The following ONECUT2 variants were observed in gnomAD, a reference collection of about 807,000 sequenced individuals.
ONECUT2 encodes the protein one cut homeobox 2.
Under a neutral mutation model 27.9 loss-of-function variants are expected in ONECUT2, and 10 were observed. The observed-to-expected ratio is 0.36, with a 90% CI of 0.22 to 0.61. The LOEUF (loss-of-function observed/expected upper bound fraction) is 0.61, where lower values mean the gene tolerates loss of function less well. Ranked by LOEUF, ONECUT2 falls within the 20% of genes least tolerant of loss-of-function variation. The pLI is 0.73. For missense variants in ONECUT2, 686 were observed against 721.0 expected, an observed-to-expected ratio of 0.95 and a Z score of 0.56; for synonymous variants, 334 against 315.1, an observed-to-expected ratio of 1.06 and a Z score of -0.64.
At chr18:57,455,436 G>A (rs927205957) in intron 1 of ONECUT2, among the ~76,000 whole-genome samples, 3 of 152,098 alleles carry the variant, frequency 2.0e-5, no homozygotes, top group African/African-American at 4.8e-5. Context: ...AGCATTAATT[G>A]TCCTAGTGGT....
chr18:57,464,118 T>C (rs575141491), intron 1 of ONECUT2, among the ~76,000 whole-genome samples: 2 of 152,322 alleles, frequency 1.3e-5, no homozygotes, highest in East Asian at 3.9e-4. Flanking sequence ...TGTTATTTAC[T>C]ATGTAACTTT....
intron 1 of ONECUT2, 148 bp from the exon 2 acceptor site, chr18:57,476,289 C>G: frequency 1.3e-6 from 1 of 756,320 alleles, no homozygotes; most frequent in South Asian, 1.9e-5. Context: ...CCGGAGATTA[C>G]AGGGAAGGCT....
chr18:57,449,962 GCTCT>G (rs1396965742), intron 1 of ONECUT2, among the ~76,000 whole-genome samples: 1 of 152,088 alleles, frequency 6.6e-6, no homozygotes, highest in African/African-American at 2.4e-5. Flanking sequence ...CTTCCCCATG[GCTCT>G]GGAGGGGAGA....
In ONECUT2 at chr18:57,436,545, C is replaced by G; in HGVS notation, c.829C>G (p.Leu277Val). The G allele has an allele frequency of 6.2e-7, 1 of 1,612,276 alleles. No individual in the cohort carries two copies. Among genetic ancestry groups the G allele is most frequent in the Non-Finnish European group, 8.5e-7 (1 of 1,179,896 alleles). Residue 277 changes from leucine (L) to valine (V), a missense_variant, in exon 1 of 2, where the codon CTG becomes GTG. Physicochemically the swap from Leu to Val is conservative, Grantham distance 32. Around this residue, in one of 4 missense-constraint regions of ONECUT2, gnomAD observed 511 missense variants for 488.1 expected, o/e 1.05. Transcript: ENST00000491143. The surrounding 1 kb of genome is among the most constrained non-coding windows in gnomAD (Gnocchi z 5.9). ...CATGCTGACCCGCGGTGAGCAACAC[C>G]TGTCCCGCGGCCTGGGCACCCCACC... ...TAMLTRGEQH[L>V]SRGLGTPPAA... is the part of the protein sequence containing the mutation.
rs771569572 is a variant in ONECUT2, at chr18:57,436,232, G to C, written c.516G>C (p.Pro172=). The C allele has an allele frequency of 6.2e-7, 1 of 1,601,836 alleles. No individual in the cohort carries two copies. Among genetic ancestry groups the C allele is most frequent in the African/African-American group, 1.3e-5 (1 of 74,752 alleles). Residue 172 remains proline, a synonymous_variant, in exon 1 of 2, where the codon CCG becomes CCC. Transcript: ENST00000491143. This position sits in a 1 kb window ranked among gnomAD's most constrained non-coding sequence, Gnocchi z 5.9. ...TVSDKFHHPH[P]HHHPHHHHHH... ...CTGACAAGTTCCACCACCCTCACCC[G>C]CACCACCATCCGCACCACCACCACC...
At chr18:57,456,237 T>A (rs2050258605) in intron 1 of ONECUT2, among the ~76,000 whole-genome samples, 1 of 152,184 alleles carries the variant, frequency 6.6e-6, no homozygotes, top group African/African-American at 2.4e-5. Context: ...CTTCTGAGTA[T>A]ACACTCCAAA....
chr18:57,449,467 A>G (rs1000774389), intron 1 of ONECUT2, among the ~76,000 whole-genome samples: 1 of 152,210 alleles, frequency 6.6e-6, no homozygotes, highest in Non-Finnish European at 1.5e-5. Flanking sequence ...TCAAGTTCTC[A>G]TCAATGTCAT....
At chr18:57,437,105 T>C (rs1458403921) in intron 1 of ONECUT2, among the ~76,000 whole-genome samples, 161 bp downstream of exon 1, 2 of 152,202 alleles carry the variant, frequency 1.3e-5, no homozygotes, top group Non-Finnish European at 2.9e-5. Context: ...TTCCATTTTC[T>C]CTTTCTCTTC....
intron 1 of ONECUT2, among the ~76,000 whole-genome samples, chr18:57,466,438 C>T (rs1156270002): frequency 1.3e-5 from 2 of 152,242 alleles, no homozygotes; most frequent in African/African-American, 4.8e-5. Context: ...GTTGAAGAAG[C>T]TGCCCCATGC....
intron 1 of ONECUT2, among the ~76,000 whole-genome samples, chr18:57,451,537 C>T (rs2050230304): frequency 6.6e-6 from 1 of 152,218 alleles, no homozygotes; most frequent in African/African-American, 2.4e-5. Context: ...ACTTCTTTAC[C>T]TCCTTTTCTG....
rs2050137727 is a variant in ONECUT2, at chr18:57,435,994, C to T, written c.278C>T (p.Thr93Met). The change falls in exon 1 of 2, where the codon ACG becomes ATG. Residue 93 changes from threonine (T) to methionine (M), a missense_variant. Thr to Met is a moderately conservative substitution (Grantham distance 81). This residue lies in a region of ONECUT2 where 511 missense variants were observed against 488.1 expected (regional missense o/e 1.05). Transcript: ENST00000491143. ...PPPTAHQELG[T>M]AAAAAAAASR... ...CCAACCGCGCACCAGGAGCTGGGCA[C>T]GGCGGCAGCGGCGGCAGCGGCGGCG... 4 of 1,480,644 alleles carry T rather than the reference C, an allele frequency of 2.7e-6. No homozygotes were observed. Among genetic ancestry groups the T allele is most frequent in the Admixed American group, 2.1e-5 (1 of 48,010 alleles). The allele number at this position is 1,480,644 out of a possible 1,614,324, so 91.7% of individuals were successfully genotyped here. A position where few individuals can be genotyped will look rare whatever the true frequency, so the allele number is the denominator to read the frequency against.
Position 57,484,656 on chromosome 18 carries a change from C to T in ONECUT2, c.*7933C>T, listed in dbSNP as rs2050430302. ...CTGTCACAGTAAAGACTGCCAATTA[C>T]TGAACCACAGAAGCTCTGACCATTG... On this transcript the variant is annotated 3_prime_UTR_variant, in exon 2 of 2. Transcript: ENST00000491143. The T allele has an allele frequency of 6.6e-6, 1 of 152,250 alleles. No individual in the cohort carries two copies. Among genetic ancestry groups the T allele is most frequent in the South Asian group, 2.1e-4 (1 of 4,828 alleles). 9.4% of individuals were successfully genotyped at this position (152,250 alleles called of 1,614,324 possible).
chr18:57,440,737 G>A (rs558271197), intron 1 of ONECUT2, among the ~76,000 whole-genome samples: 335 of 152,318 alleles, frequency 2.2e-3, no homozygotes, highest in Non-Finnish European at 3.7e-3. Context: ...GGGTGACACG[G>A]GCCGCTGGGC....
rs1255683468 is a variant in ONECUT2, at chr18:57,488,322, T to C, written c.*11599T>C. ...ATATGTTGTTCCACAATAAAATTGA[T>C]ATTTGTTTCAGCAAAGTTTTCCTGA... On this transcript the variant is annotated 3_prime_UTR_variant, in exon 2 of 2. Coordinates refer to ENST00000491143, the MANE Select transcript of ONECUT2 (RefSeq NM_004852.3). 1 of 152,644 alleles carries C rather than the reference T, an allele frequency of 6.6e-6. No individual in the cohort carries two copies. The highest frequency in any genetic ancestry group is 2.4e-5 in the African/African-American group (1 of 41,460). The allele number at this position is 152,644 out of a possible 1,614,324, so 9.5% of individuals were successfully genotyped here.
At chr18:57,441,986 A>T (rs1335341214) in intron 1 of ONECUT2, among the ~76,000 whole-genome samples, 1 of 139,616 alleles carries the variant, frequency 7.2e-6, no homozygotes, top group Non-Finnish European at 1.6e-5. Context: ...CACCCCCTGG[A>T]CGTCCTGGGC....
intron 1 of ONECUT2, among the ~76,000 whole-genome samples, chr18:57,455,678 G>T (rs79500864): frequency 6.6e-6 from 1 of 152,268 alleles, no homozygotes; most frequent in Non-Finnish European, 1.5e-5. Flanking sequence ...CTCTGATGGG[G>T]TCTGGTTACA....
At chr18:57,439,717 G>T (rs1341654076) in intron 1 of ONECUT2, among the ~76,000 whole-genome samples, 1 of 152,160 alleles carries the variant, frequency 6.6e-6, no homozygotes, top group East Asian at 1.9e-4. Context: ...GGCCCCGGGG[G>T]TTTAACAAGC....
intron 1 of ONECUT2, among the ~76,000 whole-genome samples, chr18:57,466,014 A>G (rs2050319270): frequency 6.6e-6 from 1 of 152,174 alleles, no homozygotes; most frequent in Non-Finnish European, 1.5e-5. Context: ...ACCTGTGCTC[A>G]CCCTGAGTGC....
intron 1 of ONECUT2, among the ~76,000 whole-genome samples, chr18:57,445,460 C>G (rs909223132): frequency 6.6e-6 from 1 of 152,186 alleles, no homozygotes; most frequent in African/African-American, 2.4e-5. Context: ...CATTTCTTCC[C>G]TGATCCTTTT....
Sources: gnomAD v4.1 joint callset for allele counts (sites outside exome capture counted in the v4.1 genomes callset) on GRCh38, gnomAD v4.1.1 for gene constraint, gnomAD v4.1.1 regional missense constraint, Gnocchi (gnomAD v3.1) non-coding constraint, MANE v1.5 for transcripts, NCBI Gene and HGNC (gene_info 2026-07-23, HGNC 2026-07-21) for gene names.